LY96: variants seen among roughly 807,000 people sequenced by gnomAD.
LY96 encodes lymphocyte antigen 96, also known as myeloid differentiation protein-2.
In LY96, 18 loss-of-function variants were observed where a neutral mutation model predicts 18.9. That is an observed-to-expected ratio of 0.95 (90% CI 0.66 to 1.41). The LOEUF is 1.41. LY96 is among the 40% of genes most tolerant of loss of function. LY96 has a pLI of 0.00. For missense variants in LY96, 175 were observed against 182.4 expected (o/e 0.96, Z 0.23); for synonymous variants, 66 against 62.6 (o/e 1.06, Z -0.26).
chr8:74,067,348 G>T, the LY96 span, among the ~76,000 whole-genome samples: 2 of 152,078 alleles, frequency 1.3e-5, no homozygotes, highest in African/African-American at 4.8e-5. Flanking sequence ...ACTTCCATCA[G>T]CCTCCCAAGT....
chr8:74,095,903 C>T, the LY96 span, among the ~76,000 whole-genome samples: 3 of 152,186 alleles, frequency 2.0e-5, no homozygotes, highest in African/African-American at 7.2e-5. Flanking sequence ...ACCATCTATT[C>T]CATGTCTCTG....
At chr8:74,059,714 T>A in the LY96 span, among the ~76,000 whole-genome samples, 2 of 152,222 alleles carry the variant, frequency 1.3e-5, no homozygotes, top group East Asian at 3.8e-4. Context: ...ACTTCAAAAC[T>A]ATTATAAGAA....
chr8:73,995,580 T>C (rs1347616110), intron 1 of LY96, among the ~76,000 whole-genome samples: 8 of 152,210 alleles, frequency 5.3e-5, no homozygotes, highest in Admixed American at 3.9e-4. Flanking sequence ...TTTCTGTCGG[T>C]CCATAACATA....
chr8:74,050,752 G>A, the LY96 span, among the ~76,000 whole-genome samples: 1 of 152,126 alleles, frequency 6.6e-6, no homozygotes, highest in Non-Finnish European at 1.5e-5. Context: ...AGCTGGGCAC[G>A]GGGGCTCATG....
chr8:74,051,258 ATGAGAACAACATGCTTTCAGG>A, the LY96 span, among the ~76,000 whole-genome samples: 2 of 152,154 alleles, frequency 1.3e-5, no homozygotes, highest in Non-Finnish European at 2.9e-5. Flanking sequence ...ATAACTGCTA[ATGAGAACAACATGCTTTCAGG>A]CAAAAAGTAC....
At chr8:74,033,933 A>G (rs1366858938), downstream of LY96, among the ~76,000 whole-genome samples, 3 of 151,998 alleles carry the variant, frequency 2.0e-5, no homozygotes, top group Non-Finnish European at 4.4e-5. Flanking sequence ...CTTTGACTAG[A>G]ATAACATATT....
At chr8:74,067,958 G>C in the LY96 span, among the ~76,000 whole-genome samples, 1 of 150,136 alleles carries the variant, frequency 6.7e-6, no homozygotes, top group African/African-American at 2.5e-5. Context: ...CTACTAGGGA[G>C]GCTGAGGCAG....
chr8:74,038,517 A>G, the LY96 span, among the ~76,000 whole-genome samples: 2 of 152,328 alleles, frequency 1.3e-5, no homozygotes, highest in South Asian at 2.1e-4. Context: ...GTTGCAAATA[A>G]TAGGATCTTA....
chr8:74,036,788 T>C, the LY96 span, among the ~76,000 whole-genome samples: 4 of 152,172 alleles, frequency 2.6e-5, no homozygotes, highest in Non-Finnish European at 4.4e-5. Context: ...CATCAGGCAA[T>C]TGATTACACA....
chr8:74,054,563 T>TTCCTTCCTTCCTTC, the LY96 span, among the ~76,000 whole-genome samples: 48 of 87,696 alleles, frequency 5.5e-4, no homozygotes, highest in African/African-American at 1.7e-3. Flanking sequence ...TTCCTTCCTT[T>TTCCTTCCTTCCTTC]CTTCCCTCCC....
At chr8:74,080,524 GAAGTT>G in the LY96 span, among the ~76,000 whole-genome samples, 3 of 152,194 alleles carry the variant, frequency 2.0e-5, no homozygotes, top group African/African-American at 7.2e-5. Flanking sequence ...ATTTGGAATT[GAAGTT>G]AAGTGTAGGT....
chr8:74,055,749 A>G, the LY96 span: 3 of 152,260 alleles, frequency 2.0e-5, no homozygotes, highest in African/African-American at 7.2e-5. Flanking sequence ...GCTGGCAGCA[A>G]AAGTGATGGA....
intron 1 of LY96, among the ~76,000 whole-genome samples, chr8:73,994,347 A>T (rs895402779): frequency 1.3e-5 from 2 of 152,162 alleles, no homozygotes; most frequent in Non-Finnish European, 2.9e-5. Flanking sequence ...CTGCCCAGCC[A>T]AAAATGCATC....
the LY96 span, among the ~76,000 whole-genome samples, chr8:74,042,836 G>A: frequency 6.6e-6 from 1 of 151,484 alleles, no homozygotes; most frequent in African/African-American, 2.4e-5. Flanking sequence ...GAGTGCAGTG[G>A]CGTGAGCTCA....
chr8:74,003,253 C>G (rs1160855879), intron 1 of LY96, among the ~76,000 whole-genome samples: 7 of 152,206 alleles, frequency 4.6e-5, no homozygotes, highest in Admixed American at 4.6e-4. Context: ...TTATTGAATG[C>G]ACTCAGACCC....
chr8:74,068,747 T>C, the LY96 span, among the ~76,000 whole-genome samples: 1 of 152,198 alleles, frequency 6.6e-6, no homozygotes, highest in South Asian at 2.1e-4. Flanking sequence ...TTATGAAGGA[T>C]CTGTTAGAAT....
rs1197347099 is a variant in LY96, at chr8:74,002,083, CTTTCTTTCTT to C, written c.113-2711_113-2702del. ...CCTTCCTTCCTTCCTTCCTTTCTTTCTTTCTTTCTTTCTCTCTCTCTCTCTCTCTCTCTCT... is the reference window on the plus strand; with the variant it reads ...CCTTCCTTCCTTCCTTCCTTTCTTTCTCTCTCTCTCTCTCTCTCTCTCTCT... On this transcript the variant is annotated intron_variant, in intron 1 of 4. Coordinates refer to ENST00000284818, the MANE Select transcript of LY96 (RefSeq NM_015364.5). Among the ~76,000 whole-genome samples, 91 of 31,380 alleles carry C rather than the reference CTTTCTTTCTT, an allele frequency of 2.9e-3. 20 individuals carry two copies. Among genetic ancestry groups the C allele is most frequent in the African/African-American group, 0.011 (72 of 6,502 alleles). The allele number at this position is 31,380 out of a possible 152,430, so 20.6% of individuals were successfully genotyped here.
At chr8:74,029,693 T>C (rs925478412), downstream of LY96, among the ~76,000 whole-genome samples, 1 of 152,188 alleles carries the variant, frequency 6.6e-6, no homozygotes. Flanking sequence ...GGAGTCTCAC[T>C]CTGTCACCCA....
the LY96 span, among the ~76,000 whole-genome samples, chr8:74,085,455 T>C: frequency 6.6e-6 from 1 of 152,220 alleles, no homozygotes; most frequent in South Asian, 2.1e-4. Flanking sequence ...AAGTTACTCA[T>C]TGTGTCAGTG....
Sources: allele counts gnomAD v4.1 joint callset (sites outside exome capture counted in the v4.1 genomes callset), GRCh38; gene constraint gnomAD v4.1.1; transcripts MANE v1.5; gene names NCBI Gene and HGNC (gene_info 2026-07-23, HGNC 2026-07-21).